Variants in CDH13 observed in about 807,000 individuals in gnomAD.
CDH13 encodes the protein cadherin-13.
Under a neutral mutation model 63.8 loss-of-function variants are expected in CDH13, and 24 were observed. The observed-to-expected ratio is 0.38, with a 90% CI of 0.27 to 0.53. CDH13 has a LOEUF of 0.53. Among genes scored for constraint, CDH13 ranks in the 20% least tolerant of loss-of-function variants. The pLI is 0.85. For missense variants in CDH13, 1,049 were observed against 903.1 expected, an observed-to-expected ratio of 1.16 and a Z score of -2.07; for synonymous variants, 503 against 355.3, an observed-to-expected ratio of 1.42 and a Z score of -4.67.
At chr16:83,099,951 C>T (rs2034394467) in intron 3 of CDH13, among the ~76,000 whole-genome samples, 1 of 152,160 alleles carries the variant, frequency 6.6e-6, no homozygotes, top group Non-Finnish European at 1.5e-5. Flanking sequence ...CACTGTCCTA[C>T]AAAGCCAAGT....
At position 83,670,833 on chromosome 16, in the gene CDH13, A is replaced by C; in HGVS notation, c.1145A>C (p.Asn382Thr). 6.2e-7 allele frequency: 1 copy of C among 1,613,934 alleles called. No individual in the cohort carries two copies. Among genetic ancestry groups the C allele is most frequent in the Non-Finnish European group, 8.5e-7 (1 of 1,179,854 alleles). ...GAAGGAGCTGTGGGAGTTATTGTCA[A>C]TTTGACAGTTGAAGATAAGGATGAC... is the stretch of plus-strand genomic sequence containing the variant. ...VEEGAVGVIV[N>T]LTVEDKDDPT... The change falls in exon 9 of 14, where the codon AAT becomes ACT. Residue 382 changes from asparagine (N) to threonine (T), a missense_variant. Transcript: ENST00000567109.
At chr16:82,909,545 T>C (rs1458109306) in intron 2 of CDH13, among the ~76,000 whole-genome samples, 1 of 149,020 alleles carries the variant, frequency 6.7e-6, no homozygotes, top group East Asian at 1.9e-4. Context: ...TGACTAACAG[T>C]TCCACATGGC....
chr16:82,818,309 C>A (rs971305869), intron 1 of CDH13, among the ~76,000 whole-genome samples: 1 of 152,110 alleles, frequency 6.6e-6, no homozygotes, highest in African/African-American at 2.4e-5. Context: ...AGTTGTGAAG[C>A]TGATATTCAA....
intron 5 of CDH13, among the ~76,000 whole-genome samples, chr16:83,318,593 T>A (rs1249961943): frequency 6.6e-6 from 1 of 152,180 alleles, no homozygotes; most frequent in Non-Finnish European, 1.5e-5. Flanking sequence ...GAAAGGAATC[T>A]CTGTGGCACG....
chr16:82,761,536 A>C (rs912378820), intron 1 of CDH13, among the ~76,000 whole-genome samples: 4 of 152,240 alleles, frequency 2.6e-5, no homozygotes, highest in Non-Finnish European at 5.9e-5. Context: ...ATTTGGGATC[A>C]GTTGGTTTCA....
chr16:83,660,151 T>C (rs1246535510), intron 8 of CDH13, among the ~76,000 whole-genome samples: 3 of 152,142 alleles, frequency 2.0e-5, no homozygotes, highest in South Asian at 2.1e-4. Context: ...CGGACCAGGA[T>C]TGCGGGGATG....
chr16:83,681,252 G>C (rs935913403), intron 10 of CDH13, among the ~76,000 whole-genome samples: 4 of 152,170 alleles, frequency 2.6e-5, no homozygotes, highest in African/African-American at 9.7e-5. Flanking sequence ...GAACCACAGA[G>C]AGCCCCTGGC....
At chr16:83,409,464 G>C (rs572587297) in intron 6 of CDH13, among the ~76,000 whole-genome samples, 111 of 152,324 alleles carry the variant, frequency 7.3e-4, no homozygotes, top group African/African-American at 2.6e-3. Context: ...AGCAGAGCCT[G>C]CTCCAAGAAT....
At chr16:83,753,745 T>C (rs1186616708) in intron 11 of CDH13, among the ~76,000 whole-genome samples, 1 of 152,080 alleles carries the variant, frequency 6.6e-6, no homozygotes. Flanking sequence ...CCAAAACATG[T>C]TGATAAAATA....
intron 1 of CDH13, among the ~76,000 whole-genome samples, chr16:82,830,214 G>A (rs564045787): frequency 6.6e-6 from 1 of 152,154 alleles, no homozygotes; most frequent in African/African-American, 2.4e-5. Context: ...CCCCTTTTCT[G>A]ATTCACACTA....
At chr16:83,658,068 AG>A (rs1913045833) in intron 8 of CDH13, among the ~76,000 whole-genome samples, 1 of 87,848 alleles carries the variant, frequency 1.1e-5, no homozygotes, top group Non-Finnish European at 2.5e-5. Context: ...CCTCACCACC[AG>A]GTGCCATGTC....
At chr16:83,574,433 A>C (rs948169857) in intron 7 of CDH13, among the ~76,000 whole-genome samples, 6 of 152,126 alleles carry the variant, frequency 3.9e-5, no homozygotes, top group African/African-American at 1.4e-4. Flanking sequence ...GTGCCTCAAA[A>C]ACACTGGTGA....
At chr16:82,689,144 C>T (rs1205196395) in intron 1 of CDH13, 1 of 150,080 alleles carries the variant, frequency 6.7e-6, no homozygotes, top group Admixed American at 6.7e-5. Flanking sequence ...GTTTATTCTT[C>T]TAACTTGCCT....
At position 83,298,065 on chromosome 16, in the gene CDH13, AAAAAG is replaced by A. The variant is rs1469567483; in HGVS notation, c.637-46792_637-46788del. 3.7e-3 allele frequency among the ~76,000 whole-genome samples: 551 copies of A among 149,892 alleles called. 4 individuals carry two copies. The highest frequency in any genetic ancestry group is 9.7e-3 in the African/African-American group (397 of 40,886). On this transcript the variant is annotated intron_variant, in intron 5 of 13. Transcript: ENST00000567109. ...GTTTCTACAAAAAAAAAAAAAAAAGAAAAAGAAAAAGAAAAAAAGAAAAAAAAATT... is the reference window on the plus strand; with the variant it reads ...GTTTCTACAAAAAAAAAAAAAAAAGAAAAAAGAAAAAAAGAAAAAAAAATT...
At chr16:83,371,808 CTT>C (rs1404332203) in intron 6 of CDH13, among the ~76,000 whole-genome samples, 1 of 152,128 alleles carries the variant, frequency 6.6e-6, no homozygotes. Flanking sequence ...CTTCACGAGT[CTT>C]TTCTGGATGA....
intron 11 of CDH13, among the ~76,000 whole-genome samples, chr16:83,763,931 A>G (rs1479511399): frequency 6.6e-6 from 1 of 152,126 alleles, no homozygotes; most frequent in African/African-American, 2.4e-5. Context: ...ACACCTCAGG[A>G]TGAGTTCAGC....
At chr16:82,705,196 T>C (rs1032207825) in intron 1 of CDH13, 1 of 455,738 alleles carries the variant, frequency 2.2e-6, no homozygotes, top group Non-Finnish European at 4.4e-6. Flanking sequence ...GACTATTATT[T>C]CATGATGAGC....
At chr16:83,745,612 A>G (rs1397716800) in intron 10 of CDH13, among the ~76,000 whole-genome samples, 1 of 152,134 alleles carries the variant, frequency 6.6e-6, no homozygotes, top group Non-Finnish European at 1.5e-5. Context: ...TTTGTCAGCC[A>G]GCAATTTCTT....
chr16:83,095,932 A>G (rs2034171497), intron 3 of CDH13, among the ~76,000 whole-genome samples: 1 of 152,220 alleles, frequency 6.6e-6, no homozygotes, highest in South Asian at 2.1e-4. Flanking sequence ...TGCCAATTTC[A>G]GGGGATCTGT....
Sources: gnomAD v4.1 joint callset for allele counts (sites outside exome capture counted in the v4.1 genomes callset) on GRCh38, gnomAD v4.1.1 for gene constraint, MANE v1.5 for transcripts, NCBI Gene and HGNC (gene_info 2026-07-23, HGNC 2026-07-21) for gene names.